The following ENG variants were observed in gnomAD, a reference collection of about 807,000 sequenced individuals.
The protein encoded by ENG is endoglin, also known as CD105 antigen.
A neutral mutation model predicts 71.0 loss-of-function variants in ENG; 17 were observed. The observed-to-expected ratio is 0.24, with a 90% confidence interval of 0.16 to 0.36. The LOEUF is 0.36. Among genes scored for constraint, ENG ranks in the 10% least tolerant of loss-of-function variants. ENG has a pLI of 1.00. For missense variants in ENG, 749 were observed against 868.3 expected, an observed-to-expected ratio of 0.86 and a Z score of 1.73; for synonymous variants, 360 against 366.9, an observed-to-expected ratio of 0.98 and a Z score of 0.21.
intron 3 of ENG, among the ~76,000 whole-genome samples, chr9:127,828,824 G>A (rs10987750): frequency 4.0e-5 from 6 of 151,754 alleles, no homozygotes; most frequent in Non-Finnish European, 5.9e-5. Flanking sequence ...CCTCCCTCCC[G>A]CAGTGGGCAT....
At chr9:127,832,749 G>GT (rs1422099982) in intron 2 of ENG, 1 of 151,888 alleles carries the variant, frequency 6.6e-6, no homozygotes, top group Non-Finnish European at 1.5e-5. Flanking sequence ...GTGCCATTTA[G>GT]TTTTTTTCTA....
rs747196026 is a variant in ENG, at chr9:127,816,036, G to A, written c.1759C>T (p.Leu587Phe). Residue 587 changes from leucine (L) to phenylalanine (F), a missense_variant, in exon 14 of 15, where the codon CTC becomes TTC. Physicochemically the swap from Leu to Phe is conservative, Grantham distance 22 (BLOSUM62 0). Coordinates refer to ENST00000373203, the MANE Select transcript of ENG (RefSeq NM_001114753.3). ...PDLSGCTSKG[L>F]VLPAVLGITF... ...ATGCCCAGCACGGCGGGCAGGACGAGGCCTTTGCTTGTGCAACCTAGAGAG... is the reference window on the plus strand; with the variant it reads ...ATGCCCAGCACGGCGGGCAGGACGAAGCCTTTGCTTGTGCAACCTAGAGAG... The A allele has an allele frequency of 3.1e-6, 5 of 1,610,384 alleles. No homozygotes were observed. Among genetic ancestry groups the A allele is most frequent in the South Asian group, 1.1e-5 (1 of 90,444 alleles).
chr9:127,825,143 A>C, intron 6 of ENG, 88 bp downstream of exon 6: 1 of 1,610,994 alleles, frequency 6.2e-7, no homozygotes, highest in Non-Finnish European at 8.5e-7. Flanking sequence ...CCTTCAGCTC[A>C]GCTCGGGGGT....
At chr9:127,823,412 G>A (rs1259289337) in intron 8 of ENG, among the ~76,000 whole-genome samples, 1 of 146,238 alleles carries the variant, frequency 6.8e-6, no homozygotes, top group African/African-American at 2.5e-5. Context: ...TCTTTGAGAT[G>A]GAGTCTCTCT....
chr9:127,853,402 C>T (rs973644463), intron 1 of ENG, among the ~76,000 whole-genome samples: 2 of 152,168 alleles, frequency 1.3e-5, no homozygotes, highest in Non-Finnish European at 2.9e-5. Context: ...TCCACAGGAC[C>T]GGCCAGCGGC....
intron 3 of ENG, among the ~76,000 whole-genome samples, chr9:127,827,377 T>C (rs1015518092): frequency 6.6e-6 from 1 of 152,208 alleles, no homozygotes; most frequent in African/African-American, 2.4e-5. Flanking sequence ...CAGACAGATC[T>C]CCTGGTTGGA....
chr9:127,850,067 G>C (rs1831253611), intron 1 of ENG, among the ~76,000 whole-genome samples: 1 of 152,224 alleles, frequency 6.6e-6, no homozygotes, highest in Non-Finnish European at 1.5e-5. Flanking sequence ...AACCCTGGCT[G>C]AGGGTCCCTT....
chr9:127,836,387 A>AG lies in ENG; in HGVS notation c.220-6561dup, dbSNP rs894628313. On this transcript the variant is annotated intron_variant, in intron 2 of 14. Transcript: ENST00000373203. The surrounding 1 kb of genome is among the most constrained non-coding windows in gnomAD (Gnocchi z 4.0). ...TGTTGCCCAGCAGTTGGTGGCAGGA[A>AG]GGGGGGATTTCGGTGAGGAGGCCCT... 2.0e-5 allele frequency among the ~76,000 whole-genome samples: 3 copies of AG among 152,222 alleles called. No homozygotes were observed. Among genetic ancestry groups the AG allele is most frequent in the Non-Finnish European group, 4.4e-5 (3 of 68,042 alleles).
intron 1 of ENG, among the ~76,000 whole-genome samples, chr9:127,850,990 C>T (rs530247591): frequency 3.3e-5 from 5 of 151,698 alleles, no homozygotes; most frequent in Non-Finnish European, 5.9e-5. Flanking sequence ...AGACCTGGTT[C>T]GAAAGAAATA....
chr9:127,821,759 T>C (rs761106654), intron 8 of ENG, among the ~76,000 whole-genome samples: 141 of 151,336 alleles, frequency 9.3e-4, no homozygotes, highest in Middle Eastern at 3.5e-3. Context: ...GGTGGGCACC[T>C]GTAATCCCAG....
chr9:127,832,069 CTTTT>C (rs1041729379), intron 2 of ENG, among the ~76,000 whole-genome samples: 1 of 83,642 alleles, frequency 1.2e-5, no homozygotes, highest in African/African-American at 5.6e-5. Flanking sequence ...AGCTACCATT[CTTTT>C]TTTTTTTTTT....
At chr9:127,835,086 C>T (rs1487320147) in intron 2 of ENG, among the ~76,000 whole-genome samples, 2 of 152,038 alleles carry the variant, frequency 1.3e-5, no homozygotes, top group Admixed American at 1.3e-4. Flanking sequence ...GCAACTTCCG[C>T]CCCTCAGGCT....
At chr9:127,826,172 A>T (rs1161244416) in intron 4 of ENG, among the ~76,000 whole-genome samples, 5 of 151,968 alleles carry the variant, frequency 3.3e-5, no homozygotes, top group Non-Finnish European at 7.4e-5. Flanking sequence ...GTTTATTGTC[A>T]CCTCCCTCAT....
chr9:127,819,791 C>T, intron 9 of ENG, 109 bp downstream of exon 9: 1 of 1,607,768 alleles, frequency 6.2e-7, no homozygotes, highest in East Asian at 2.2e-5. Flanking sequence ...TGTTCTGAGC[C>T]CCTGCAGCCT....
intron 1 of ENG, among the ~76,000 whole-genome samples, chr9:127,852,218 T>G (rs909390929): frequency 2.6e-5 from 4 of 152,232 alleles, no homozygotes; most frequent in Admixed American, 6.5e-5. Context: ...CACGCATCTT[T>G]ACAGAGTTGG....
At chr9:127,820,617 A>G (rs1759283436) in intron 8 of ENG, among the ~76,000 whole-genome samples, 1 of 150,768 alleles carries the variant, frequency 6.6e-6, no homozygotes, top group Admixed American at 6.6e-5. Context: ...TCATGAGGTC[A>G]GGAGATCGAG....
chr9:127,815,284 C>G lies in ENG; in HGVS notation c.*398G>C, dbSNP rs1289342551. 2 of 207,490 alleles carry G rather than the reference C, an allele frequency of 9.6e-6. No homozygotes were observed. The highest frequency in any genetic ancestry group is 4.6e-5 in the African/African-American group (2 of 43,074). 12.9% of individuals were successfully genotyped at this position (207,490 alleles called of 1,614,324 possible). On this transcript the variant is annotated 3_prime_UTR_variant, in exon 15 of 15. Coordinates refer to ENST00000373203, the MANE Select transcript of ENG (RefSeq NM_001114753.3). ...AGGTGGCTCTGGGCTGGGCCCTCTT[C>G]TCTTCCCAGCGGGGAGGTGCTGTTG... is the stretch of plus-strand genomic sequence containing the variant.
At chr9:127,833,548 A>C (rs1830821086) in intron 2 of ENG, among the ~76,000 whole-genome samples, 1 of 145,168 alleles carries the variant, frequency 6.9e-6, no homozygotes, top group South Asian at 2.2e-4. Context: ...AAAAAAAAAG[A>C]CAGGTAAATG....
At chr9:127,839,095 C>T (rs1780404594) in intron 2 of ENG, among the ~76,000 whole-genome samples, 1 of 152,170 alleles carries the variant, frequency 6.6e-6, no homozygotes, top group East Asian at 1.9e-4. Context: ...TGCCCTCTAC[C>T]CTGCTCTTGG....
Sources: allele counts gnomAD v4.1 joint callset (sites outside exome capture counted in the v4.1 genomes callset), GRCh38; gene constraint gnomAD v4.1.1; non-coding constraint Gnocchi (gnomAD v3.1); transcripts MANE v1.5; gene names NCBI Gene and HGNC (gene_info 2026-07-23, HGNC 2026-07-21).